The following DARS1 variants were observed in gnomAD, a reference collection of about 807,000 sequenced individuals.
DARS1 encodes the protein aspartate--tRNA ligase, cytoplasmic.
A neutral mutation model predicts 68.8 loss-of-function variants in DARS1; 51 were observed. The observed-to-expected ratio is 0.74, with a 90% CI of 0.59 to 0.94. DARS1 has a LOEUF of 0.94. Ranked by LOEUF, DARS1 falls within the 40% of genes least tolerant of loss-of-function variation. The pLI is 0.00. For synonymous variants in DARS1, 203 were observed against 190.4 expected (o/e 1.07, Z -0.55); for missense variants, 607 against 597.3 (o/e 1.02, Z -0.17).
At chr2:135,942,785 T>G (rs1681633258) in intron 5 of DARS1, among the ~76,000 whole-genome samples, 1 of 152,194 alleles carries the variant, frequency 6.6e-6, no homozygotes, top group Non-Finnish European at 1.5e-5. Context: ...GTGTTTTGTA[T>G]TTTTCCCTAT....
intron 3 of DARS1, among the ~76,000 whole-genome samples, chr2:135,973,612 T>C (rs552020618): frequency 2.0e-5 from 3 of 152,222 alleles, no homozygotes; most frequent in South Asian, 2.1e-4. Flanking sequence ...CCAAGCACTT[T>C]GGGAGGCTGA....
In DARS1 at chr2:135,952,274, G is replaced by GT. The variant is rs200431445; in HGVS notation, c.321-8795dup. Among the ~76,000 whole-genome samples, 2,274 of 147,810 alleles carry GT rather than the reference G, an allele frequency of 0.015. 103 individuals are homozygous for GT. The East Asian group carries it at 0.2, about 13-fold the overall frequency. The stretch of plus-strand genomic sequence containing the variant: ...TTTCAAAAAGTATGCCATTAATGAA[G>GT]TTTTTTTTTTTAAATTGACACATAA... On this transcript the variant is annotated intron_variant, in intron 4 of 15. Transcript: ENST00000264161.
intron 11 of DARS1, among the ~76,000 whole-genome samples, chr2:135,915,994 C>G (rs1289562888): frequency 2.0e-5 from 3 of 151,954 alleles, no homozygotes; most frequent in Non-Finnish European, 2.9e-5. Flanking sequence ...TACTGTATAC[C>G]AAAGTTAATA....
chr2:135,919,515 A>G (rs776942243), intron 10 of DARS1, among the ~76,000 whole-genome samples: 50 of 151,926 alleles, frequency 3.3e-4, no homozygotes, highest in Non-Finnish European at 1.3e-4. Flanking sequence ...GCTAGCTTAG[A>G]CTATTATAGC....
At chr2:135,933,241 G>A (rs1282111613) in intron 6 of DARS1, among the ~76,000 whole-genome samples, 3 of 152,204 alleles carry the variant, frequency 2.0e-5, no homozygotes, top group Non-Finnish European at 4.4e-5. Context: ...AGCAGTGAAG[G>A]TCCCTGAGAC....
chr2:135,955,295 C>T (rs926833943), intron 4 of DARS1, among the ~76,000 whole-genome samples: 3 of 152,106 alleles, frequency 2.0e-5, no homozygotes, highest in Non-Finnish European at 4.4e-5. Flanking sequence ...AAAACCGATA[C>T]ATTTTTTAGC....
At chr2:135,964,922 CT>C (rs1213467442) in intron 3 of DARS1, among the ~76,000 whole-genome samples, 1 of 145,946 alleles carries the variant, frequency 6.9e-6, no homozygotes, top group Non-Finnish European at 1.5e-5. Flanking sequence ...AGATTTAATT[CT>C]AAAAAATTTT....
At chr2:135,934,996 G>A (rs572899929) in intron 5 of DARS1, among the ~76,000 whole-genome samples, 152 of 151,774 alleles carry the variant, frequency 1.0e-3, no homozygotes, top group African/African-American at 1.9e-3. Flanking sequence ...TCGCTATGTT[G>A]GCCAGGCTGG....
intron 3 of DARS1, among the ~76,000 whole-genome samples, chr2:135,972,101 A>C (rs900063386): frequency 2.0e-5 from 3 of 152,208 alleles, no homozygotes; most frequent in African/African-American, 7.2e-5. Context: ...ACATGAAATC[A>C]CAAAAGACCT....
intron 4 of DARS1, among the ~76,000 whole-genome samples, chr2:135,946,187 C>A (rs192402097): frequency 8.5e-5 from 13 of 152,126 alleles, no homozygotes; most frequent in African/African-American, 3.1e-4. Flanking sequence ...GAATAAAATT[C>A]TACTGACTGT....
chr2:135,916,449 C>CA, intron 10 of DARS1, 77 bp from the exon 11 acceptor site: 1 of 771,692 alleles, frequency 1.3e-6, no homozygotes, highest in Non-Finnish European at 2.2e-6. Flanking sequence ...TGGCAATATA[C>CA]AAAAATCAAT....
chr2:135,959,443 A>T (rs1189331317), intron 4 of DARS1, among the ~76,000 whole-genome samples: 1 of 143,892 alleles, frequency 6.9e-6, no homozygotes, highest in Non-Finnish European at 1.5e-5. Flanking sequence ...GATCGCCCGT[A>T]TATCATCCCA....
chr2:135,910,326 C>T (rs2164331), intron 15 of DARS1, among the ~76,000 whole-genome samples: 27,151 of 152,032 alleles, frequency 0.18, 3,038 homozygotes, highest in South Asian at 0.33. Context: ...ACATCCTTAC[C>T]AACAATTATC....
At chr2:135,917,179 GA>G (rs1304539117) in intron 10 of DARS1, among the ~76,000 whole-genome samples, 7 of 151,856 alleles carry the variant, frequency 4.6e-5, no homozygotes, top group Non-Finnish European at 2.9e-5. Context: ...AAAAGAAAAA[GA>G]AAAAAATGTC....
intron 3 of DARS1, among the ~76,000 whole-genome samples, chr2:135,975,650 C>A (rs944988682): frequency 6.6e-6 from 1 of 150,640 alleles, no homozygotes; most frequent in Non-Finnish European, 1.5e-5. Context: ...CAAAAATCAG[C>A]TGGGCATGGT....
chr2:135,914,137 G>A (rs181207435), intron 12 of DARS1, among the ~76,000 whole-genome samples: 43 of 152,300 alleles, frequency 2.8e-4, no homozygotes, highest in African/African-American at 8.9e-4. Context: ...GACAGCAGGG[G>A]TACACAGGGA....
At chr2:135,958,648 C>CT (rs1405601398) in intron 4 of DARS1, among the ~76,000 whole-genome samples, 1 of 152,114 alleles carries the variant, frequency 6.6e-6, no homozygotes, top group African/African-American at 2.4e-5. Context: ...TTATCTTAAC[C>CT]AACTACAAAA....
intron 4 of DARS1, among the ~76,000 whole-genome samples, chr2:135,955,705 T>TTTTTTTA (rs1553446835): frequency 8.1e-6 from 1 of 123,470 alleles, no homozygotes. Flanking sequence ...TTTTTTTTTT[T>TTTTTTTA]AGACAGGGTC....
intron 7 of DARS1, among the ~76,000 whole-genome samples, chr2:135,929,264 C>T (rs1302976422): frequency 1.3e-5 from 2 of 152,176 alleles, no homozygotes; most frequent in Non-Finnish European, 2.9e-5. Context: ...ACTCCTATAG[C>T]TGTGGTGATC....
Sources: gnomAD v4.1 joint callset for allele counts (sites outside exome capture counted in the v4.1 genomes callset) on GRCh38, gnomAD v4.1.1 for gene constraint, MANE v1.5 for transcripts, NCBI Gene and HGNC (gene_info 2026-07-23, HGNC 2026-07-21) for gene names.